WIPI1: variants seen among roughly 807,000 people sequenced by gnomAD.
WIPI1 encodes the protein WD repeat domain phosphoinositide-interacting protein 1.
A neutral mutation model predicts 55.3 loss-of-function variants in WIPI1; 45 were observed. The observed-to-expected ratio is 0.81, with a 90% CI of 0.64 to 1.04. The LOEUF (loss-of-function observed/expected upper bound fraction) is 1.04, where lower values mean the gene tolerates loss of function less well. Among genes scored for constraint, WIPI1 ranks in the 50% least tolerant of loss-of-function variants. The pLI, the probability that WIPI1 is intolerant of heterozygous loss-of-function variation, is 0.00. For synonymous variants in WIPI1, 195 were observed against 217.6 expected, an observed-to-expected ratio of 0.90 and a Z score of 0.92; for missense variants, 445 against 559.0, an observed-to-expected ratio of 0.80 and a Z score of 2.06.
At chr17:68,441,770 C>T (rs2084088280) in intron 4 of WIPI1, among the ~76,000 whole-genome samples, 2 of 152,206 alleles carry the variant, frequency 1.3e-5, no homozygotes, top group African/African-American at 2.4e-5. Context: ...AAATGATCAT[C>T]TCCATTTTAC....
At chr17:68,435,924 C>T (rs2083762561) in intron 5 of WIPI1, among the ~76,000 whole-genome samples, 1 of 152,248 alleles carries the variant, frequency 6.6e-6, no homozygotes, top group Admixed American at 6.5e-5. Flanking sequence ...ATCCCTTTTC[C>T]TGCCCTTGGG....
rs936767364 is a variant in WIPI1, at chr17:68,421,594, C to A, written c.*179G>T. On this transcript the variant is annotated 3_prime_UTR_variant, in exon 13 of 13. Transcript: ENST00000262139. The stretch of plus-strand genomic sequence containing the variant: ...CAATGTCTCCCGCGCCCATTGGCAA[C>A]CAGGGTCGTGGGAAGCTTGGTGAGG... 7.8e-6 allele frequency: 6 copies of A among 770,598 alleles called. No individual in the cohort carries two copies. Among genetic ancestry groups the A allele is most frequent in the Non-Finnish European group, 1.3e-5 (6 of 461,936 alleles). The allele number at this position is 770,598 out of a possible 1,614,324, so 47.7% of individuals were successfully genotyped here. A position where few individuals can be genotyped will look rare whatever the true frequency, so the allele number is the denominator to read the frequency against.
chr17:68,430,174 C>T lies in WIPI1; in HGVS notation c.801-14G>A. ...TCTTCTGGTCGACTAGGGAGTAATGCACAGGCAACGATGGGACTGGGCTGC... is the reference window on the plus strand; with the variant it reads ...TCTTCTGGTCGACTAGGGAGTAATGTACAGGCAACGATGGGACTGGGCTGC... On this transcript the variant is annotated splice_polypyrimidine_tract_variant and intron_variant, in intron 8 of 12. Coordinates refer to ENST00000262139, the MANE Select transcript of WIPI1 (RefSeq NM_017983.7). 6.2e-7 allele frequency: 1 copy of T among 1,606,570 alleles called. No homozygotes were observed. Among genetic ancestry groups the T allele is most frequent in the Non-Finnish European group, 8.5e-7 (1 of 1,176,638 alleles).
Position 68,423,320 on chromosome 17 carries a change from T to G in WIPI1, c.1294-1500A>C, listed in dbSNP as rs905552235. Among the ~76,000 whole-genome samples the G allele has an allele frequency of 6.6e-6, 1 of 152,202 alleles. No homozygotes were observed. Among genetic ancestry groups the G allele is most frequent in the African/African-American group, 2.4e-5 (1 of 41,448 alleles). ...TGAGATGGGCCATATTGATAGAGCA[T>G]CCCAGGAGCATGCATGCCTCTGGTC... On this transcript the variant is annotated intron_variant, in intron 12 of 12. Transcript: ENST00000262139. The surrounding 1 kb of genome is among the most constrained non-coding windows in gnomAD (Gnocchi z 4.4).
chr17:68,425,397 T>G (rs1295981128), intron 12 of WIPI1, among the ~76,000 whole-genome samples: 1 of 150,884 alleles, frequency 6.6e-6, no homozygotes, highest in African/African-American at 2.4e-5. Flanking sequence ...TTTTTTTTTT[T>G]TTTGGTGGAG....
chr17:68,433,712 G>T, intron 7 of WIPI1, 137 bp from the exon 8 acceptor site: 1 of 419,096 alleles, frequency 2.4e-6, no homozygotes, highest in Non-Finnish European at 4.2e-6. Flanking sequence ...AAACACTGTG[G>T]TGCTCATATT....
At chr17:68,426,253 G>GGGGGGGGA in intron 11 of WIPI1, 78 bp from the exon 12 acceptor site, 1 of 841,018 alleles carries the variant, frequency 1.2e-6, no homozygotes, top group Non-Finnish European at 1.9e-6. Context: ...GGGGAGCGGG[G>GGGGGGGGA]GCTCAAATAA....
chr17:68,429,099 TG>T (rs1230667636), intron 9 of WIPI1, among the ~76,000 whole-genome samples, 163 bp from the exon 10 acceptor site: 1 of 152,246 alleles, frequency 6.6e-6, no homozygotes, highest in East Asian at 1.9e-4. Context: ...CTTTGCATTC[TG>T]GCCTTGGGAT....
rs146516797 is a variant in WIPI1 at position 68,428,861 on chromosome 17, A to G, written c.1041T>C (p.Asp347=). 3.1e-6 allele frequency: 5 copies of G among 1,614,098 alleles called. No individual in the cohort carries two copies. Among genetic ancestry groups the G allele is most frequent in the Non-Finnish European group, 4.2e-6 (5 of 1,179,972 alleles). Residue 347 remains aspartate, a synonymous_variant, in exon 10 of 13, where the codon GAT becomes GAC. Coordinates refer to ENST00000262139, the MANE Select transcript of WIPI1 (RefSeq NM_017983.7). ...TTTTGATTAAGACACACTCTCCTCC[A>G]TCCTGAGGATCCAAATTGTACATAT... ...HLYMYNLDPQ[D]GGECVLIKTH...
At chr17:68,429,925 G>C in intron 9 of WIPI1, 71 bp downstream of exon 9, 1 of 1,599,548 alleles carries the variant, frequency 6.3e-7, no homozygotes. Flanking sequence ...CAGGTTTGGG[G>C]ATTTTTGTGC....
intron 2 of WIPI1, 75 bp downstream of exon 2, chr17:68,452,835 G>A: frequency 1.5e-6 from 2 of 1,347,118 alleles, no homozygotes; most frequent in South Asian, 1.2e-5. Context: ...CAGCTTGGTA[G>A]CACCGCAGAT....
chr17:68,438,360 T>G (rs568600177), intron 4 of WIPI1, among the ~76,000 whole-genome samples: 2 of 152,326 alleles, frequency 1.3e-5, no homozygotes, highest in African/African-American at 4.8e-5. Flanking sequence ...CCTTCTGAAT[T>G]CTTTGCTATC....
At chr17:68,446,091 C>T (rs748816400) in intron 3 of WIPI1, among the ~76,000 whole-genome samples, 11 of 152,226 alleles carry the variant, frequency 7.2e-5, no homozygotes, top group Non-Finnish European at 1.6e-4. Flanking sequence ...AAAAGCCTGC[C>T]CTGCTATTCC....
intron 2 of WIPI1, 46 bp downstream of exon 2, chr17:68,452,864 T>C: frequency 6.4e-7 from 1 of 1,568,150 alleles, no homozygotes. Flanking sequence ...AGAAGGAGGC[T>C]CTGGTTCTCC....
chr17:68,426,838 T>C (rs535594840), intron 11 of WIPI1, among the ~76,000 whole-genome samples: 52 of 152,314 alleles, frequency 3.4e-4, no homozygotes, highest in African/African-American at 1.1e-3. Flanking sequence ...CCTGGCCTCA[T>C]TGGAATTTTT....
rs1185888339 is a variant in WIPI1 at position 68,421,648 on chromosome 17, T to C, written c.*125A>G. ...TAACCAGGTCCTGTGGTTTAAGCAG[T>C]GGAGCACCCGGGATTCCTGCCCCCC... On this transcript the variant is annotated 3_prime_UTR_variant, in exon 13 of 13. Coordinates refer to ENST00000262139, the MANE Select transcript of WIPI1 (RefSeq NM_017983.7). 30 of 1,391,560 alleles carry C rather than the reference T, an allele frequency of 2.2e-5. No homozygotes were observed. The South Asian group carries it at 3.1e-4, about 14-fold the overall frequency. The allele number at this position is 1,391,560 out of a possible 1,614,324, so 86.2% of individuals were successfully genotyped here. A position where few individuals can be genotyped will look rare whatever the true frequency, so the allele number is the denominator to read the frequency against.
chr17:68,453,072 C>T, intron 1 of WIPI1, 80 bp from the exon 2 acceptor site: 1 of 1,184,908 alleles, frequency 8.4e-7, no homozygotes, highest in Admixed American at 1.7e-5. Flanking sequence ...GCCTTTTGCC[C>T]CCTAGCCTCA....
chr17:68,428,649 T>G, intron 10 of WIPI1, 180 bp downstream of exon 10: 1 of 571,068 alleles, frequency 1.8e-6, no homozygotes, highest in Non-Finnish European at 3.1e-6. Flanking sequence ...GATTACCACA[T>G]GCTGAGGGCA....
intron 2 of WIPI1, 133 bp from the exon 3 acceptor site, chr17:68,451,030 T>C: frequency 1.6e-6 from 2 of 1,258,308 alleles, no homozygotes; most frequent in Non-Finnish European, 1.1e-6. Context: ...GCGCCCTCTC[T>C]GAGCTTGCAT....
Sources: allele counts gnomAD v4.1 joint callset (sites outside exome capture counted in the v4.1 genomes callset), GRCh38; gene constraint gnomAD v4.1.1; non-coding constraint Gnocchi (gnomAD v3.1); transcripts MANE v1.5; gene names NCBI Gene and HGNC (gene_info 2026-07-23, HGNC 2026-07-21).